Variants in MYT1L observed in about 807,000 individuals in gnomAD.
MYT1L encodes the protein myelin transcription factor 1 like, also known as myelin transcription factor 1-like protein.
In MYT1L, 12 loss-of-function variants were observed where a neutral mutation model predicts 126.7. The observed-to-expected ratio is 0.09, with a 90% confidence interval of 0.06 to 0.15. MYT1L has a LOEUF of 0.15. Among genes scored for constraint, MYT1L ranks in the 10% least tolerant of loss-of-function variants. The probability of loss-of-function intolerance (pLI) is 1.00; values close to 1 mark genes in which losing one functional copy is unlikely to be tolerated. For synonymous variants in MYT1L, 541 were observed against 604.2 expected, an observed-to-expected ratio of 0.90 and a Z score of 1.53; for missense variants, 979 against 1,585.2, an observed-to-expected ratio of 0.62 and a Z score of 6.49.
chr2:2,029,371 C>T (rs1055218722), intron 4 of MYT1L, among the ~76,000 whole-genome samples: 4 of 152,208 alleles, frequency 2.6e-5, no homozygotes, highest in South Asian at 2.1e-4. Flanking sequence ...ACAATCATGG[C>T]GGAAGATGAA....
intron 3 of MYT1L, among the ~76,000 whole-genome samples, chr2:2,088,145 A>C (rs2076541302): frequency 6.6e-6 from 1 of 152,350 alleles, no homozygotes; most frequent in Admixed American, 6.5e-5. Context: ...AGCCACATAC[A>C]GTGTGATAGC....
chr2:1,948,128 G>A (rs549403738), intron 8 of MYT1L, among the ~76,000 whole-genome samples: 16 of 152,230 alleles, frequency 1.1e-4, no homozygotes, highest in Admixed American at 4.6e-4. Flanking sequence ...TGAAGTGTAC[G>A]TTTCAGTACC....
chr2:2,218,328 C>T (rs572017803), intron 2 of MYT1L, among the ~76,000 whole-genome samples: 1 of 152,148 alleles, frequency 6.6e-6, no homozygotes, highest in Non-Finnish European at 1.5e-5. Context: ...TATCCATCAA[C>T]AGTTGATTGA....
intron 3 of MYT1L, among the ~76,000 whole-genome samples, chr2:2,103,582 C>T (rs569653657): frequency 6.6e-6 from 1 of 152,326 alleles, no homozygotes; most frequent in African/African-American, 2.4e-5. Flanking sequence ...ACGGGGAACT[C>T]ATAGGTAACC....
chr2:2,001,237 C>CTTTTTTTTTTTTTTTTTTTTT (rs11389323), intron 4 of MYT1L, among the ~76,000 whole-genome samples: 3 of 103,910 alleles, frequency 2.9e-5, no homozygotes, highest in East Asian at 2.9e-4. Context: ...TTGGTTTTAG[C>CTTTTTTTTTTTTTTTTTTTTT]TTTTTTTTTT....
At chr2:2,134,953 C>T (rs575630045) in intron 3 of MYT1L, among the ~76,000 whole-genome samples, 26 of 152,326 alleles carry the variant, frequency 1.7e-4, no homozygotes, top group African/African-American at 6.3e-4. Context: ...CATCTGCCTT[C>T]TTGCTTTCAA....
chr2:2,260,991 G>T (rs182518000), intron 2 of MYT1L, among the ~76,000 whole-genome samples: 2 of 152,242 alleles, frequency 1.3e-5, no homozygotes, highest in Non-Finnish European at 2.9e-5. Context: ...CTTTGTTAAC[G>T]GTGTTATTTA....
At chr2:1,975,466 T>C (rs1475073625) in intron 8 of MYT1L, among the ~76,000 whole-genome samples, 1 of 152,254 alleles carries the variant, frequency 6.6e-6, no homozygotes, top group African/African-American at 2.4e-5. Context: ...TGATGGCTCA[T>C]GCCTGTAATC....
intron 2 of MYT1L, among the ~76,000 whole-genome samples, chr2:2,279,377 C>T (rs1052693753): frequency 1.6e-4 from 23 of 142,360 alleles, no homozygotes; most frequent in African/African-American, 5.8e-4. Flanking sequence ...AGCCATTCAA[C>T]ATGGAAGAGG....
intron 4 of MYT1L, among the ~76,000 whole-genome samples, chr2:1,998,170 C>A (rs2062036017): frequency 6.6e-6 from 1 of 152,116 alleles, no homozygotes; most frequent in Non-Finnish European, 1.5e-5. Flanking sequence ...GGATAATTGT[C>A]CCCTTATGAT....
chr2:2,145,055 G>A (rs1267335941), intron 3 of MYT1L, among the ~76,000 whole-genome samples: 1 of 152,152 alleles, frequency 6.6e-6, no homozygotes, highest in Non-Finnish European at 1.5e-5. Context: ...TTGTGTGTGC[G>A]TGAATGCACA....
chr2:1,927,545 A>G (rs1361869572), intron 9 of MYT1L, among the ~76,000 whole-genome samples: 2 of 152,198 alleles, frequency 1.3e-5, no homozygotes, highest in South Asian at 2.1e-4. Context: ...GTCTCTCCCT[A>G]AGATACACAA....
chr2:2,210,628 T>C (rs1437961017), intron 2 of MYT1L, among the ~76,000 whole-genome samples: 2 of 152,188 alleles, frequency 1.3e-5, no homozygotes, highest in East Asian at 3.9e-4. Context: ...TGATTCTGTA[T>C]AGTTCTGTAG....
chr2:2,221,902 C>T (rs1040034855), intron 2 of MYT1L, among the ~76,000 whole-genome samples: 4 of 152,178 alleles, frequency 2.6e-5, no homozygotes, highest in South Asian at 2.1e-4. Flanking sequence ...TGTGAAGCTT[C>T]GCAGCACTTT....
intron 8 of MYT1L, among the ~76,000 whole-genome samples, chr2:1,950,242 T>C (rs1360391041): frequency 1.3e-5 from 2 of 152,124 alleles, no homozygotes; most frequent in Non-Finnish European, 2.9e-5. Context: ...AGGGGGATAT[T>C]AATCCAACCC....
chr2:1,796,552 C>G (rs544401297), intron 23 of MYT1L, among the ~76,000 whole-genome samples: 3 of 152,200 alleles, frequency 2.0e-5, no homozygotes, highest in Non-Finnish European at 2.9e-5. Flanking sequence ...TCTGGGCCCT[C>G]GCACCAGGAG....
chr2:1,886,466 G>T, intron 18 of MYT1L, 73 bp downstream of exon 18: 2 of 1,134,002 alleles, frequency 1.8e-6, no homozygotes, highest in South Asian at 1.8e-5. Flanking sequence ...CTTTGCAAAT[G>T]ACATATCATT....
At chr2:2,256,175 C>A (rs933807898) in intron 2 of MYT1L, among the ~76,000 whole-genome samples, 2 of 152,238 alleles carry the variant, frequency 1.3e-5, no homozygotes, top group Non-Finnish European at 2.9e-5. Flanking sequence ...GCACAGTGTT[C>A]TCAGTGCTGA....
intron 3 of MYT1L, among the ~76,000 whole-genome samples, chr2:2,075,372 C>T (rs1320669577): frequency 6.6e-6 from 1 of 152,206 alleles, no homozygotes; most frequent in Non-Finnish European, 1.5e-5. Flanking sequence ...CTGACACCCT[C>T]ACCATGTGCA....
Sources: allele counts gnomAD v4.1 joint callset (sites outside exome capture counted in the v4.1 genomes callset), GRCh38; gene constraint gnomAD v4.1.1; transcripts MANE v1.5; gene names NCBI Gene and HGNC (gene_info 2026-07-23, HGNC 2026-07-21).